The following MED13 variants were observed in gnomAD, a reference collection of about 807,000 sequenced individuals.
MED13 encodes the protein mediator of RNA polymerase II transcription subunit 13.
A neutral mutation model predicts 225.2 loss-of-function variants in MED13; 23 were observed. The observed-to-expected ratio is 0.10, with a 90% CI of 0.07 to 0.14. The LOEUF is 0.14. Ranked by LOEUF, MED13 falls within the 10% of genes least tolerant of loss-of-function variation. MED13 has a pLI of 1.00. For synonymous variants in MED13, 942 were observed against 889.2 expected (o/e 1.06, Z -1.06); for missense variants, 2,197 against 2,594.5 (o/e 0.85, Z 3.33).
At chr17:61,955,967 T>C in intron 24 of MED13, 129 bp from the exon 25 acceptor site, 1 of 1,333,936 alleles carries the variant, frequency 7.5e-7, no homozygotes, top group East Asian at 2.7e-5. Flanking sequence ...ATTAGTGTAT[T>C]CCTCCAACAC....
intron 23 of MED13, among the ~76,000 whole-genome samples, chr17:61,959,488 A>T (rs2079978939): frequency 6.6e-6 from 1 of 152,190 alleles, no homozygotes; most frequent in Non-Finnish European, 1.5e-5. Flanking sequence ...CAATTAAAAA[A>T]ATCAAAATTG....
At chr17:62,042,086 C>G (rs755764217) in intron 3 of MED13, among the ~76,000 whole-genome samples, 10 of 152,162 alleles carry the variant, frequency 6.6e-5, no homozygotes, top group Non-Finnish European at 1.5e-4. Context: ...TGTATTTCTA[C>G]AGCCTTCAGA....
At chr17:62,017,022 A>T (rs1450775482) in intron 8 of MED13, among the ~76,000 whole-genome samples, 2 of 150,350 alleles carry the variant, frequency 1.3e-5, no homozygotes, top group East Asian at 1.9e-4. Context: ...AAAAATATAT[A>T]ATAATAATAA....
intron 26 of MED13, among the ~76,000 whole-genome samples, chr17:61,954,834 A>G (rs531471671): frequency 1.3e-5 from 2 of 152,192 alleles, no homozygotes; most frequent in South Asian, 4.1e-4. Context: ...ACCAGTTCTG[A>G]TATCAACAAG....
intron 16 of MED13, 52 bp downstream of exon 16, chr17:61,982,146 G>GT (rs1603396597): frequency 2.7e-6 from 4 of 1,502,664 alleles, no homozygotes; most frequent in Non-Finnish European, 3.6e-6. Flanking sequence ...TCCTAAGAAT[G>GT]TAACTAAAGG....
intron 2 of MED13, among the ~76,000 whole-genome samples, chr17:62,059,322 G>A (rs772624479): frequency 3.9e-5 from 6 of 152,122 alleles, no homozygotes; most frequent in Non-Finnish European, 8.8e-5. Context: ...TTCCAGTTAA[G>A]AAAAACTGAG....
intron 23 of MED13, among the ~76,000 whole-genome samples, chr17:61,958,661 C>A (rs146736658): frequency 6.6e-6 from 1 of 151,758 alleles, no homozygotes; most frequent in Non-Finnish European, 1.5e-5. Flanking sequence ...TTAGTATAGA[C>A]GGGGTTTCAT....
intron 16 of MED13, among the ~76,000 whole-genome samples, chr17:61,974,492 A>AC (rs1202775468): frequency 2.0e-5 from 3 of 152,036 alleles, no homozygotes; most frequent in Non-Finnish European, 1.5e-5. Context: ...CTGTATGCTG[A>AC]CCCCCAGGAC....
At chr17:61,993,086 A>G (rs890186629) in intron 10 of MED13, among the ~76,000 whole-genome samples, 1 of 151,944 alleles carries the variant, frequency 6.6e-6, no homozygotes, top group African/African-American at 2.4e-5. Context: ...TATCTTATAG[A>G]CAAAAGTAGA....
intron 8 of MED13, among the ~76,000 whole-genome samples, chr17:62,014,310 T>TATATA (rs1555638734): frequency 2.2e-4 from 31 of 143,094 alleles, no homozygotes; most frequent in African/African-American, 7.3e-4. Flanking sequence ...GTATATGTTT[T>TATATA]TATATATATA....
intron 3 of MED13, among the ~76,000 whole-genome samples, chr17:62,052,205 T>C (rs1026490307): frequency 6.6e-6 from 1 of 152,196 alleles, no homozygotes; most frequent in African/African-American, 2.4e-5. Flanking sequence ...ATCAGAGTGC[T>C]GTGCATATAT....
intron 9 of MED13, among the ~76,000 whole-genome samples, chr17:62,009,594 G>GC (rs2080486762): frequency 6.6e-6 from 1 of 152,138 alleles, no homozygotes; most frequent in Admixed American, 6.5e-5. Context: ...AAAATATAGT[G>GC]CAACAGCCAT....
At chr17:62,031,883 A>G (rs764785158) in intron 5 of MED13, among the ~76,000 whole-genome samples, 41 of 151,850 alleles carry the variant, frequency 2.7e-4, no homozygotes, top group Admixed American at 5.9e-4. Flanking sequence ...AGAGATTTGG[A>G]AAAAGGCAGC....
At chr17:62,010,382 A>G in intron 9 of MED13, 168 bp downstream of exon 9, 1 of 436,608 alleles carries the variant, frequency 2.3e-6, no homozygotes, top group South Asian at 1.3e-4. Flanking sequence ...TTTCATAATG[A>G]AGAAGTTCCC....
At chr17:61,998,605 T>C (rs1394846175) in intron 9 of MED13, among the ~76,000 whole-genome samples, 4 of 149,062 alleles carry the variant, frequency 2.7e-5, no homozygotes, top group Non-Finnish European at 4.5e-5. Flanking sequence ...CCTTTTTTTT[T>C]TTTTTTTTTT....
chr17:61,965,403 T>C lies in MED13; in HGVS notation c.4447A>G (p.Thr1483Ala), dbSNP rs770981852. Residue 1483 changes from threonine (T) to alanine (A), a missense_variant, in exon 20 of 30, where the codon ACA (threonine) becomes GCA (alanine). By Grantham distance (58) the Thr-to-Ala change is moderately conservative. Around this residue, in one of 12 missense-constraint regions of MED13, gnomAD observed 457 missense variants for 442.2 expected, o/e 1.03. Transcript: ENST00000397786. ...LLSQPNLVAP[T>A]SQSLITPPQM... Reference sequence around the variant, plus strand: ...GGTGGAGTAATCAAAGACTGACTTGTAGGGGCAACTAAATTTGGCTGGGAA... The same window carrying C: ...GGTGGAGTAATCAAAGACTGACTTGCAGGGGCAACTAAATTTGGCTGGGAA... 2.7e-5 allele frequency: 43 copies of C among 1,614,122 alleles called. No individual in the cohort carries two copies. Among genetic ancestry groups the C allele is most frequent in the South Asian group, 9.9e-5 (9 of 91,084 alleles).
Position 62,015,886 on chromosome 17 carries a change from T to C in MED13, c.1284-4653A>G, listed in dbSNP as rs745325017. On this transcript the variant is annotated intron_variant, in intron 8 of 29. Transcript: ENST00000397786. ...GTGTGTATGTGTGTGTGTATATATATACACACACACACACATACACACTAT... is the reference window on the plus strand; with the variant it reads ...GTGTGTATGTGTGTGTGTATATATACACACACACACACACATACACACTAT... Among the ~76,000 whole-genome samples the C allele has an allele frequency of 2.2e-4, 21 of 93,336 alleles. 1 individual carries two copies. Among genetic ancestry groups the C allele is most frequent in the Non-Finnish European group, 3.9e-4 (18 of 46,578 alleles). 61.2% of individuals were successfully genotyped at this position (93,336 alleles called of 152,430 possible).
At position 62,063,215 on chromosome 17, in the gene MED13, GTCT is replaced by G; in HGVS notation, c.150_152del (p.Glu50del). ...AGCGACTAAAACTGCTCAAAATGGG[GTCT>G]TCTTCTGTCACAGGAAACAGAATAG... On this transcript the variant is annotated inframe_deletion, in exon 2 of 30. Transcript: ENST00000397786. The G allele has an allele frequency of 3.1e-6, 5 of 1,614,118 alleles. No individual in the cohort carries two copies. The highest frequency in any genetic ancestry group is 4.2e-6 in the Non-Finnish European group (5 of 1,180,020).
chr17:61,993,180 T>C (rs750743490), intron 10 of MED13, among the ~76,000 whole-genome samples: 191 of 150,572 alleles, frequency 1.3e-3, no homozygotes, highest in Non-Finnish European at 2.4e-3. Context: ...CCAAAGTCCA[T>C]GTTCTTTCTT....
Sources: gnomAD v4.1 joint callset for allele counts (sites outside exome capture counted in the v4.1 genomes callset) on GRCh38, gnomAD v4.1.1 for gene constraint, gnomAD v4.1.1 regional missense constraint, MANE v1.5 for transcripts, NCBI Gene and HGNC (gene_info 2026-07-23, HGNC 2026-07-21) for gene names.